The following GPC6 variants were observed in gnomAD, a reference collection of about 807,000 sequenced individuals.
GPC6 encodes the protein glypican-6.
In GPC6, 14 loss-of-function variants were observed where a neutral mutation model predicts 55.2. The observed-to-expected ratio is 0.25, with a 90% CI of 0.17 to 0.40. GPC6 has a LOEUF of 0.40. GPC6 is among the 10% of genes least tolerant of loss of function. The pLI, the probability that GPC6 is intolerant of heterozygous loss-of-function variation, is 1.00. For missense variants in GPC6, 641 were observed against 708.5 expected (o/e 0.90, Z 1.08); for synonymous variants, 278 against 259.6 (o/e 1.07, Z -0.68).
At chr13:93,642,948 G>C (rs1880020037) in intron 2 of GPC6, among the ~76,000 whole-genome samples, 2 of 152,028 alleles carry the variant, frequency 1.3e-5, no homozygotes, top group African/African-American at 4.8e-5. Context: ...AAAAGAGTTT[G>C]CACCTATTTT....
chr13:93,751,451 A>C (rs982853378), intron 2 of GPC6, among the ~76,000 whole-genome samples: 4 of 151,850 alleles, frequency 2.6e-5, no homozygotes, highest in Non-Finnish European at 5.9e-5. Flanking sequence ...GAAAAAAAAA[A>C]CACCATTTGC....
At chr13:93,733,682 T>A (rs1369222201) in intron 2 of GPC6, among the ~76,000 whole-genome samples, 1 of 152,040 alleles carries the variant, frequency 6.6e-6, no homozygotes, top group Non-Finnish European at 1.5e-5. Flanking sequence ...TACCATTAAG[T>A]TCAGTTATTT....
At chr13:93,780,160 C>T (rs1343784473) in intron 2 of GPC6, among the ~76,000 whole-genome samples, 3 of 151,762 alleles carry the variant, frequency 2.0e-5, no homozygotes, top group South Asian at 4.2e-4. Flanking sequence ...ATTCAAGACC[C>T]GACAATTTAA....
chr13:93,410,876 G>A lies in GPC6; in HGVS notation c.161-134387G>A, dbSNP rs572874969. 2.6e-5 allele frequency among the ~76,000 whole-genome samples: 4 copies of A among 152,172 alleles called. No individual in the cohort carries two copies. The South Asian group carries it at 8.3e-4, about 32-fold the overall frequency. ...TTTAGAGAATGTCTTTTCTTCTCAG[G>A]GGAAATGATACTCAGCAGCATTCAA... On this transcript the variant is annotated intron_variant, in intron 1 of 8. Transcript: ENST00000377047.
intron 1 of GPC6, among the ~76,000 whole-genome samples, chr13:93,280,251 A>G (rs981152778): frequency 1.3e-5 from 2 of 152,104 alleles, no homozygotes; most frequent in Non-Finnish European, 2.9e-5. Context: ...AAGAACAGTG[A>G]TAGATCTACA....
At chr13:94,286,598 C>A (rs1156722779) in intron 5 of GPC6, 119 bp downstream of exon 5, 2 of 891,986 alleles carry the variant, frequency 2.2e-6, no homozygotes, top group Non-Finnish European at 3.4e-6. Context: ...TGTCAGCGAG[C>A]TTTTCCTGTT....
At chr13:93,971,677 T>C (rs1880287861) in intron 3 of GPC6, among the ~76,000 whole-genome samples, 1 of 152,236 alleles carries the variant, frequency 6.6e-6, no homozygotes, top group South Asian at 2.1e-4. Context: ...GGATAATTAC[T>C]GCAACTCAGA....
intron 4 of GPC6, among the ~76,000 whole-genome samples, chr13:94,148,673 A>G (rs1435108374): frequency 1.3e-5 from 2 of 152,178 alleles, no homozygotes; most frequent in East Asian, 3.9e-4. Context: ...GATTTTTCAA[A>G]TGTTATTATT....
chr13:94,255,204 A>G (rs968717999), intron 4 of GPC6, among the ~76,000 whole-genome samples: 1 of 152,220 alleles, frequency 6.6e-6, no homozygotes, highest in African/African-American at 2.4e-5. Flanking sequence ...AGGCGTTTAC[A>G]ACGCAGTGGA....
intron 1 of GPC6, among the ~76,000 whole-genome samples, chr13:93,511,477 G>T (rs549844715): frequency 6.6e-6 from 1 of 151,890 alleles, no homozygotes; most frequent in African/African-American, 2.4e-5. Context: ...TCAAAGATTA[G>T]TTGGCTCTAA....
In GPC6 at chr13:93,346,563, T is replaced by G. The variant is rs1011993982; in HGVS notation, c.160+118947T>G. ...CAGGGAATGATATTTTTGCCTTTTA[T>G]GTCCCCAAGTGTAGAAAGTGCATCT... On this transcript the variant is annotated intron_variant, in intron 1 of 8. Coordinates refer to ENST00000377047, the MANE Select transcript of GPC6 (RefSeq NM_005708.5). 3.5e-4 allele frequency among the ~76,000 whole-genome samples: 53 copies of G among 152,182 alleles called. 1 individual carries two copies. The highest frequency in any genetic ancestry group is 1.2e-4 in the Non-Finnish European group (8 of 68,012).
chr13:94,308,233 G>A (rs1876058883), intron 6 of GPC6, among the ~76,000 whole-genome samples: 1 of 152,116 alleles, frequency 6.6e-6, no homozygotes, highest in South Asian at 2.1e-4. Flanking sequence ...AGTAGAGCAA[G>A]AAAAATATGT....
rs1219633463 is a variant in GPC6, at chr13:93,813,194, AT to A, written c.320-16958del. Among the ~76,000 whole-genome samples the A allele has an allele frequency of 4.6e-5, 7 of 152,246 alleles. No homozygotes were observed. In the East Asian group the frequency reaches 1.2e-3, roughly 25 times the overall value. On this transcript the variant is annotated intron_variant, in intron 2 of 8. Transcript: ENST00000377047. ...CCAGATAAATGAAAAAAATGGAATG[AT>A]TCATAAGGTCAGGAGTTCGAGACCA...
chr13:93,613,481 T>C (rs1287922712), intron 2 of GPC6, among the ~76,000 whole-genome samples: 1 of 150,380 alleles, frequency 6.6e-6, no homozygotes, highest in Non-Finnish European at 1.5e-5. Flanking sequence ...AACCATCTCT[T>C]TCAATCATTC....
chr13:94,184,819 G>A (rs887060519), intron 4 of GPC6, among the ~76,000 whole-genome samples: 1 of 152,034 alleles, frequency 6.6e-6, no homozygotes, highest in Non-Finnish European at 1.5e-5. Context: ...ATAGATCATT[G>A]TATCAAAAAA....
intron 2 of GPC6, 126 bp from the exon 3 acceptor site, chr13:93,830,028 C>T: frequency 1.5e-6 from 1 of 649,184 alleles, no homozygotes; most frequent in Non-Finnish European, 2.6e-6. Context: ...TGTCCATTAA[C>T]ACCTTAATCA....
intron 2 of GPC6, among the ~76,000 whole-genome samples, chr13:93,802,129 G>A (rs1022628707): frequency 6.6e-6 from 1 of 151,936 alleles, no homozygotes; most frequent in African/African-American, 2.4e-5. Flanking sequence ...TTTTTTCACT[G>A]TAAGTAGATA....
intron 2 of GPC6, among the ~76,000 whole-genome samples, chr13:93,801,372 A>G (rs539247499): frequency 2.0e-5 from 3 of 152,334 alleles, no homozygotes; most frequent in African/African-American, 7.2e-5. Context: ...TAGAATGGTC[A>G]TATCTGCTTT....
At chr13:93,296,840 A>C (rs566619041) in intron 1 of GPC6, among the ~76,000 whole-genome samples, 27 of 152,350 alleles carry the variant, frequency 1.8e-4, no homozygotes, top group African/African-American at 6.5e-4. Flanking sequence ...TGAATGCCTC[A>C]GGTACGAGGT....
Sources: allele counts gnomAD v4.1 joint callset (sites outside exome capture counted in the v4.1 genomes callset), GRCh38; gene constraint gnomAD v4.1.1; transcripts MANE v1.5; gene names NCBI Gene and HGNC (gene_info 2026-07-23, HGNC 2026-07-21).